The following GRID2 variants were observed in gnomAD, a reference collection of about 807,000 sequenced individuals.
The protein encoded by GRID2 is glutamate receptor ionotropic, delta-2.
GRID2 carries 33 observed loss-of-function variants against 114.8 expected under a neutral mutation model. The ratio of observed to expected loss-of-function variants is 0.29; its 90% CI spans 0.22 to 0.38. The LOEUF is 0.38. Among genes scored for constraint, GRID2 ranks in the 10% least tolerant of loss-of-function variants. The pLI is 1.00. For missense variants in GRID2, 1,184 were observed against 1,257.7 expected (o/e 0.94, Z 0.89); for synonymous variants, 505 against 449.9 (o/e 1.12, Z -1.55).
At chr4:92,382,437 G>A (rs1274680233) in intron 1 of GRID2, among the ~76,000 whole-genome samples, 2 of 151,910 alleles carry the variant, frequency 1.3e-5, no homozygotes, top group East Asian at 1.9e-4. Context: ...CCTGATTAAT[G>A]TCTTTTTGTT....
chr4:93,007,564 C>A (rs937978128), intron 2 of GRID2, among the ~76,000 whole-genome samples: 1 of 152,006 alleles, frequency 6.6e-6, no homozygotes, highest in Non-Finnish European at 1.5e-5. Context: ...TTTGTGAATA[C>A]TATACTCACA....
At chr4:93,299,132 T>C (rs563747727) in intron 8 of GRID2, among the ~76,000 whole-genome samples, 2 of 152,194 alleles carry the variant, frequency 1.3e-5, no homozygotes, top group Non-Finnish European at 2.9e-5. Flanking sequence ...GAAGGCAGCA[T>C]AGAATTCATT....
At chr4:93,172,592 A>T (rs749647094) in intron 4 of GRID2, among the ~76,000 whole-genome samples, 6 of 151,490 alleles carry the variant, frequency 4.0e-5, no homozygotes, top group Non-Finnish European at 7.4e-5. Flanking sequence ...ACTCCATCTC[A>T]AAAAAAAGAA....
At chr4:93,389,943 C>A (rs1764692002) in intron 8 of GRID2, among the ~76,000 whole-genome samples, 1 of 152,140 alleles carries the variant, frequency 6.6e-6, no homozygotes, top group Non-Finnish European at 1.5e-5. Context: ...CATGTGCCAC[C>A]ACACCTGGCT....
chr4:92,710,555 G>A (rs1332618961), intron 2 of GRID2, among the ~76,000 whole-genome samples: 2 of 152,166 alleles, frequency 1.3e-5, no homozygotes, highest in East Asian at 1.9e-4. Flanking sequence ...GCCATGTCCT[G>A]GTGACGACTA....
At chr4:93,410,540 G>A (rs1384007666) in intron 9 of GRID2, among the ~76,000 whole-genome samples, 1 of 152,094 alleles carries the variant, frequency 6.6e-6, no homozygotes, top group African/African-American at 2.4e-5. Context: ...GTCCTCTCTT[G>A]CATCTTCAAC....
At chr4:92,438,047 T>C (rs1732823794) in intron 1 of GRID2, among the ~76,000 whole-genome samples, 2 of 152,204 alleles carry the variant, frequency 1.3e-5, no homozygotes, top group Non-Finnish European at 2.9e-5. Flanking sequence ...CAATAAATAA[T>C]CTCCAAGAGT....
At chr4:92,785,910 T>A (rs1739302253) in intron 2 of GRID2, among the ~76,000 whole-genome samples, 1 of 151,878 alleles carries the variant, frequency 6.6e-6, no homozygotes, top group African/African-American at 2.4e-5. Flanking sequence ...GTTTCTTGTT[T>A]TGAAAATGAC....
At chr4:92,435,511 T>C (rs1732693188) in intron 1 of GRID2, among the ~76,000 whole-genome samples, 1 of 152,144 alleles carries the variant, frequency 6.6e-6, no homozygotes, top group Non-Finnish European at 1.5e-5. Context: ...CCTACTTGAG[T>C]CTGTCTGGAA....
rs564893216 is a variant in GRID2, at chr4:93,377,544, C to A, written c.1246-18063C>A. On this transcript the variant is annotated intron_variant, in intron 8 of 15. Transcript: ENST00000282020. ...CCACATTAGCACAGTATTCTAGTCA[C>A]CTGTGATAACCTGTCCAGAAGTTGC... Among the ~76,000 whole-genome samples the A allele has an allele frequency of 9.9e-4, 151 of 152,200 alleles. 1 individual carries two copies. Among genetic ancestry groups the A allele is most frequent in the African/African-American group, 3.6e-3 (148 of 41,512 alleles).
At chr4:92,332,795 A>G (rs1726964528) in intron 1 of GRID2, among the ~76,000 whole-genome samples, 1 of 152,190 alleles carries the variant, frequency 6.6e-6, no homozygotes. Context: ...CCAAAACCCA[A>G]CAACGAAAAC....
intron 2 of GRID2, among the ~76,000 whole-genome samples, chr4:92,937,622 T>C (rs376250606): frequency 6.8e-6 from 1 of 146,934 alleles, no homozygotes; most frequent in African/African-American, 2.4e-5. Flanking sequence ...TGCAATAAGA[T>C]TTGAAGGGCA....
intron 1 of GRID2, among the ~76,000 whole-genome samples, chr4:92,346,332 A>G (rs1229052541): frequency 6.6e-6 from 1 of 152,150 alleles, no homozygotes; most frequent in Non-Finnish European, 1.5e-5. Flanking sequence ...CATTCATGGT[A>G]TAATTTGACT....
At chr4:92,771,844 G>A (rs571010269) in intron 2 of GRID2, among the ~76,000 whole-genome samples, 9 of 152,212 alleles carry the variant, frequency 5.9e-5, no homozygotes, top group South Asian at 2.1e-4. Flanking sequence ...AAAAGCCATC[G>A]GCTTGAGAAC....
intron 11 of GRID2, among the ~76,000 whole-genome samples, chr4:93,463,942 T>C (rs565048052): frequency 2.6e-5 from 4 of 152,060 alleles, no homozygotes; most frequent in Non-Finnish European, 5.9e-5. Context: ...TGAGCCGAGA[T>C]TGTGCCACTG....
At chr4:92,452,901 AT>A (rs1476234280) in intron 1 of GRID2, among the ~76,000 whole-genome samples, 2 of 147,922 alleles carry the variant, frequency 1.4e-5, no homozygotes, top group East Asian at 3.9e-4. Context: ...CCATATATAT[AT>A]ATGTATGTTT....
chr4:92,789,671 T>C (rs1201135168), intron 2 of GRID2, among the ~76,000 whole-genome samples: 1 of 151,986 alleles, frequency 6.6e-6, no homozygotes, highest in Non-Finnish European at 1.5e-5. Flanking sequence ...ATATCTTTGA[T>C]ACTTTAAAAT....
chr4:92,715,418 C>T (rs1193173278), intron 2 of GRID2, among the ~76,000 whole-genome samples: 2 of 152,140 alleles, frequency 1.3e-5, no homozygotes, highest in Admixed American at 1.3e-4. Flanking sequence ...GCCTGTCACC[C>T]AGTTCCAAAG....
In GRID2 at chr4:92,658,888, A is replaced by G. The variant is rs904226461; in HGVS notation, c.244+68602A>G. ...TTATTATATGTGTATATATATATTTATGTACACACATACACACATTTGCAT... is the reference window on the plus strand; with the variant it reads ...TTATTATATGTGTATATATATATTTGTGTACACACATACACACATTTGCAT... On this transcript the variant is annotated intron_variant, in intron 2 of 15. Coordinates refer to ENST00000282020, the MANE Select transcript of GRID2 (RefSeq NM_001510.4). Among the ~76,000 whole-genome samples, 2 of 138,576 alleles carry G rather than the reference A, an allele frequency of 1.4e-5. 1 individual carries two copies. The highest frequency in any genetic ancestry group is 3.2e-5 in the Non-Finnish European group (2 of 62,092). 90.9% of individuals were successfully genotyped at this position (138,576 alleles called of 152,430 possible). A position where few individuals can be genotyped will look rare whatever the true frequency, so the allele number is the denominator to read the frequency against.
Sources: allele counts gnomAD v4.1 joint callset (sites outside exome capture counted in the v4.1 genomes callset), GRCh38; gene constraint gnomAD v4.1.1; transcripts MANE v1.5; gene names NCBI Gene and HGNC (gene_info 2026-07-23, HGNC 2026-07-21).